The following TPTE2 variants were observed in gnomAD, a reference collection of about 807,000 sequenced individuals.
TPTE2 encodes phosphatidylinositol 3,4,5-trisphosphate 3-phosphatase TPTE2.
In TPTE2, 53 loss-of-function variants were observed where a neutral mutation model predicts 78.6. The ratio of observed to expected loss-of-function variants is 0.67; its 90% CI spans 0.54 to 0.85. The LOEUF (loss-of-function observed/expected upper bound fraction) is 0.85. TPTE2 is among the 40% of genes least tolerant of loss of function. TPTE2 has a pLI of 0.00. For missense variants in TPTE2, 461 were observed against 623.0 expected, an observed-to-expected ratio of 0.74 and a Z score of 2.77; for synonymous variants, 175 against 206.2, an observed-to-expected ratio of 0.85 and a Z score of 1.30.
rs182448174 is a variant in TPTE2, at chr13:19,433,243, C to G, written c.1117-665G>C. Among the ~76,000 whole-genome samples, 1,021 of 152,220 alleles carry G rather than the reference C, an allele frequency of 6.7e-3. 8 individuals carry two copies. Among genetic ancestry groups the G allele is most frequent in the African/African-American group, 0.022 (905 of 41,518 alleles). ...AAGTTGGCCATCATGGTGGCTCCCG[C>G]CTGTAATCCCAGCACTTTGGGAGGC... On this transcript the variant is annotated intron_variant, in intron 15 of 19. Transcript: ENST00000400230.
chr13:19,492,123 T>C (rs537754033), intron 3 of TPTE2, among the ~76,000 whole-genome samples: 26 of 152,274 alleles, frequency 1.7e-4, no homozygotes, highest in African/African-American at 6.0e-4. Flanking sequence ...ACCTTTATGA[T>C]TTATTTCCAG....
chr13:19,516,587 AC>A (rs1869808060), intron 1 of TPTE2, among the ~76,000 whole-genome samples: 1 of 152,156 alleles, frequency 6.6e-6, no homozygotes, highest in South Asian at 2.1e-4. Context: ...ACTAATAAAA[AC>A]CCATTTGTGA....
Position 19,464,567 on chromosome 13 carries a change from T to G in TPTE2, c.677-47A>C. The G allele has an allele frequency of 1.9e-6, 3 of 1,571,292 alleles. No homozygotes were observed. In the South Asian group the frequency reaches 3.5e-5, roughly 18 times the overall value. ...ATTACAAACATTATTATAGATTTCA[T>G]ATAACACAAAAAAAATTAATTTATA... On this transcript the variant is annotated intron_variant, in intron 9 of 19. Coordinates refer to ENST00000400230, the Ensembl canonical transcript of TPTE2.
chr13:19,502,446 C>T (rs961999083), intron 1 of TPTE2, among the ~76,000 whole-genome samples: 6 of 151,212 alleles, frequency 4.0e-5, no homozygotes, highest in Non-Finnish European at 7.4e-5. Context: ...GGCACATATA[C>T]ACCATGGAAT....
chr13:19,515,261 T>G (rs1339853941), intron 1 of TPTE2, among the ~76,000 whole-genome samples: 1 of 152,178 alleles, frequency 6.6e-6, no homozygotes, highest in Non-Finnish European at 1.5e-5. Context: ...TGATAAAAAC[T>G]GGGATTCTCT....
At chr13:19,514,621 G>GTGTGTGTGTGTGTGTGTGTC (rs1259108886) in intron 1 of TPTE2, among the ~76,000 whole-genome samples, 1 of 148,370 alleles carries the variant, frequency 6.7e-6, no homozygotes, top group Non-Finnish European at 1.5e-5. Flanking sequence ...GTGTGTGTGT[G>GTGTGTGTGTGTGTGTGTGTC]TGTGTGTGTC....
At chr13:19,513,081 G>A (rs1259522088) in intron 1 of TPTE2, among the ~76,000 whole-genome samples, 1 of 152,158 alleles carries the variant, frequency 6.6e-6, no homozygotes, top group Non-Finnish European at 1.5e-5. Context: ...AAAAATTTTG[G>A]TGACTATATT....
intron 6 of TPTE2, among the ~76,000 whole-genome samples, chr13:19,472,051 T>G (rs1293885879): frequency 6.6e-6 from 1 of 152,166 alleles, no homozygotes; most frequent in Non-Finnish European, 1.5e-5. Flanking sequence ...ATATTGTAGC[T>G]CCATCGTATA....
chr13:19,533,725 G>A (rs1871023418), intron 1 of TPTE2, among the ~76,000 whole-genome samples: 1 of 152,200 alleles, frequency 6.6e-6, no homozygotes, highest in Non-Finnish European at 1.5e-5. Flanking sequence ...TTGTTATGTT[G>A]TCATGGCAGG....
rs571837249 is a variant in TPTE2 at position 19,521,429 on chromosome 13, A to G, written c.-44+15167T>C. On this transcript the variant is annotated intron_variant, in intron 1 of 17. Transcript: ENST00000390680. Reference sequence around the variant, plus strand: ...GTTTTTTGGTTACTGTTTGCTTGTTATATCTTTTTCTATACTTTTAATCTA... The same window carrying G: ...GTTTTTTGGTTACTGTTTGCTTGTTGTATCTTTTTCTATACTTTTAATCTA... Among the ~76,000 whole-genome samples, 13 of 151,074 alleles carry G rather than the reference A, an allele frequency of 8.6e-5. No individual in the cohort carries two copies. In the South Asian group the frequency reaches 2.7e-3, roughly 31 times the overall value.
At chr13:19,463,839 CA>C (rs1879092381) in intron 10 of TPTE2, among the ~76,000 whole-genome samples, 1 of 152,062 alleles carries the variant, frequency 6.6e-6, no homozygotes, top group Non-Finnish European at 1.5e-5. Flanking sequence ...GTATGAGAGC[CA>C]TCATTCAGAT....
chr13:19,551,734 C>T, the TPTE2 span, among the ~76,000 whole-genome samples: 3 of 152,098 alleles, frequency 2.0e-5, no homozygotes, highest in Admixed American at 6.6e-5. Flanking sequence ...ATTTAAGCTT[C>T]TGTTCTACCT....
intron 10 of TPTE2, among the ~76,000 whole-genome samples, chr13:19,463,333 G>C (rs536849457): frequency 2.0e-5 from 3 of 152,104 alleles, no homozygotes; most frequent in Non-Finnish European, 4.4e-5. Flanking sequence ...CACAATCTCT[G>C]TCTGGTTTTT....
At chr13:19,457,388 G>A (rs1344390908) in intron 10 of TPTE2, among the ~76,000 whole-genome samples, 1 of 152,194 alleles carries the variant, frequency 6.6e-6, no homozygotes, top group Non-Finnish European at 1.5e-5. Flanking sequence ...TTTAGGTTCA[G>A]TGGTACATGT....
rs369944624 is a variant in TPTE2 at position 19,451,113 on chromosome 13, G to A, written c.802+52C>T. 2.5e-5 allele frequency: 40 copies of A among 1,589,662 alleles called. No homozygotes were observed. The Middle Eastern group carries it at 5.0e-4, about 20-fold the overall frequency. ...AAAAAGCAAAATCATCTTCTTACGT[G>A]CAGTAATCTGTTTTCTACCTACAGT... On this transcript the variant is annotated intron_variant, in intron 11 of 19. Coordinates refer to ENST00000400230, the Ensembl canonical transcript of TPTE2.
At chr13:19,495,696 C>T (rs376850932) in intron 1 of TPTE2, among the ~76,000 whole-genome samples, 16 of 152,280 alleles carry the variant, frequency 1.1e-4, no homozygotes, top group Middle Eastern at 3.4e-3. Context: ...TCCTTGATAT[C>T]GCATGGTGCA....
intron 1 of TPTE2, among the ~76,000 whole-genome samples, chr13:19,514,592 A>AGTGTGCGTGTGTGTGTGT (rs1869668653): frequency 7.9e-6 from 1 of 126,710 alleles, no homozygotes; most frequent in Non-Finnish European, 1.7e-5. Flanking sequence ...TACTTCTGAG[A>AGTGTGCGTGTGTGTGTGT]GTGTGTGTGT....
the TPTE2 span, among the ~76,000 whole-genome samples, chr13:19,548,738 A>C: frequency 3.7e-4 from 55 of 149,666 alleles, no homozygotes; most frequent in African/African-American, 1.3e-3. Context: ...CTTAAATGTG[A>C]AACCTAAAAC....
At chr13:19,472,563 C>T (rs549090818) in intron 6 of TPTE2, among the ~76,000 whole-genome samples, 56 of 152,234 alleles carry the variant, frequency 3.7e-4, no homozygotes, top group African/African-American at 1.3e-3. Context: ...TGAATTCCTT[C>T]TCTGTCTTAT....
Sources: gnomAD v4.1 joint callset for allele counts (sites outside exome capture counted in the v4.1 genomes callset) on GRCh38, gnomAD v4.1.1 for gene constraint, MANE v1.5 for transcripts, NCBI Gene and HGNC (gene_info 2026-07-23, HGNC 2026-07-21) for gene names.